The following CUL4A variants were observed in gnomAD, a reference collection of about 807,000 sequenced individuals.
CUL4A encodes cullin-4A.
Under a neutral mutation model 95.5 loss-of-function variants are expected in CUL4A, and 16 were observed. That is an observed-to-expected ratio of 0.17 (90% CI 0.11 to 0.25). The LOEUF (loss-of-function observed/expected upper bound fraction) is 0.25. CUL4A is among the 10% of genes least tolerant of loss of function. The pLI, the probability that CUL4A is intolerant of heterozygous loss-of-function variation, is 1.00. For synonymous variants in CUL4A, 380 were observed against 353.1 expected, an observed-to-expected ratio of 1.08 and a Z score of -0.85; for missense variants, 610 against 937.0, an observed-to-expected ratio of 0.65 and a Z score of 4.56.
intron 4 of CUL4A, among the ~76,000 whole-genome samples, chr13:113,229,076 G>A (rs537943872): frequency 6.6e-6 from 1 of 152,056 alleles, no homozygotes; most frequent in Admixed American, 6.6e-5. Context: ...TGCACATCAC[G>A]CCACCGCACT....
chr13:113,211,283 C>A (rs1170549058), intron 2 of CUL4A, among the ~76,000 whole-genome samples: 1 of 152,250 alleles, frequency 6.6e-6, no homozygotes, highest in Admixed American at 6.5e-5. Context: ...TCATGCACAA[C>A]GCAGTGTGAT....
At chr13:113,248,507 G>GT (rs1426688689) in intron 15 of CUL4A, among the ~76,000 whole-genome samples, 1 of 152,090 alleles carries the variant, frequency 6.6e-6, no homozygotes, top group African/African-American at 2.4e-5. Flanking sequence ...AGCAAAAGTT[G>GT]TTTGAAGCTT....
Position 113,242,998 on chromosome 13 carries a change from G to C in CUL4A, c.1066G>C (p.Glu356Gln). Reference protein sequence around the residue: ...TFGTAIVINPEKDKDMVQDLL... With the variant: ...TFGTAIVINPQKDKDMVQDLL... ...TGGAACAGCGATCGTAATCAATCCT[G>C]AGAAAGACAAAGACATGGTCCAAGA... Residue 356 changes from glutamate (E) to glutamine (Q), a missense_variant, in exon 11 of 20, where the codon GAG becomes CAG. Glu to Gln is a conservative substitution (Grantham distance 29, BLOSUM62 2). This residue lies in a region of CUL4A where 153 missense variants were observed against 244.5 expected (regional missense o/e 0.63). Transcript: ENST00000375440. The C allele has an allele frequency of 3.1e-6, 5 of 1,611,762 alleles. No homozygotes were observed. The highest frequency in any genetic ancestry group is 4.2e-6 in the Non-Finnish European group (5 of 1,178,124).
upstream of CUL4A, chr13:113,208,790 G>A (rs1023072270): frequency 3.5e-6 from 5 of 1,419,820 alleles, no homozygotes; most frequent in Middle Eastern, 2.6e-4. Context: ...CCGGCTCGGC[G>A]ACGCGCTCGG....
intron 15 of CUL4A, 91 bp from the exon 16 acceptor site, chr13:113,252,991 G>A (rs895423824): frequency 2.2e-5 from 13 of 588,634 alleles, no homozygotes; most frequent in East Asian, 5.9e-5. Context: ...TAATTCAGCC[G>A]TGAGAAATTG....
At chr13:113,208,250 G>A (rs953391340), upstream of CUL4A, 29 of 1,442,648 alleles carry the variant, frequency 2.0e-5, no homozygotes, top group Admixed American at 2.6e-5. Flanking sequence ...CGCCCACAGC[G>A]GGCCCTCGGC....
chr13:113,236,377 A>G (rs1217575131), intron 8 of CUL4A, among the ~76,000 whole-genome samples: 5 of 152,204 alleles, frequency 3.3e-5, no homozygotes, highest in African/African-American at 4.8e-5. Context: ...AGCGGCAGCC[A>G]CAGCGAAGCC....
intron 16 of CUL4A, among the ~76,000 whole-genome samples, chr13:113,253,777 A>G (rs982267770): frequency 6.6e-6 from 1 of 152,196 alleles, no homozygotes; most frequent in Non-Finnish European, 1.5e-5. Flanking sequence ...ATTATGAGCG[A>G]TTATTTAAGA....
At chr13:113,208,729 C>G, upstream of CUL4A, 7 of 1,493,720 alleles carry the variant, frequency 4.7e-6, no homozygotes, top group South Asian at 7.6e-5. Flanking sequence ...TCCTGGCGCC[C>G]CCGGCCCCGC....
At chr13:113,257,179 CCT>C (rs2139294235) in intron 18 of CUL4A, among the ~76,000 whole-genome samples, 1 of 152,188 alleles carries the variant, frequency 6.6e-6, no homozygotes, top group East Asian at 1.9e-4. Flanking sequence ...CCCATCTCGG[CCT>C]CCCAAAATGC....
intron 18 of CUL4A, among the ~76,000 whole-genome samples, chr13:113,258,523 G>C (rs954158539): frequency 5.3e-5 from 8 of 152,068 alleles, no homozygotes; most frequent in African/African-American, 1.9e-4. Flanking sequence ...GTTTTCTTCT[G>C]TAAGTCTTGC....
intron 3 of CUL4A, among the ~76,000 whole-genome samples, chr13:113,224,078 T>C (rs1036105964): frequency 2.6e-5 from 4 of 151,858 alleles, no homozygotes; most frequent in African/African-American, 7.3e-5. Flanking sequence ...GCCCGCAGAG[T>C]GCGGTGGCTC....
At chr13:113,209,009 G>A (rs1211001184), upstream of CUL4A, 6 of 823,412 alleles carry the variant, frequency 7.3e-6, no homozygotes, top group African/African-American at 1.9e-5. Flanking sequence ...GCGCCTGGCT[G>A]GGCCAGGGCC....
chr13:113,234,613 C>T (rs1410500593), intron 7 of CUL4A, among the ~76,000 whole-genome samples: 1 of 152,212 alleles, frequency 6.6e-6, no homozygotes, highest in Non-Finnish European at 1.5e-5. Context: ...GAAACATGGG[C>T]GTACTTTGAG....
chr13:113,234,031 A>G (rs755558799), intron 7 of CUL4A, 45 bp downstream of exon 7: 1 of 1,194,074 alleles, frequency 8.4e-7, no homozygotes, highest in Non-Finnish European at 1.2e-6. Context: ...TCGTTTCTGC[A>G]GATGAGCACC....
At chr13:113,235,949 C>T (rs1237719914) in intron 8 of CUL4A, among the ~76,000 whole-genome samples, 3 of 143,752 alleles carry the variant, frequency 2.1e-5, no homozygotes, top group Admixed American at 7.3e-5. Flanking sequence ...CCAGCCTGGG[C>T]GACAGAGCGA....
chr13:113,216,078 T>C (rs1567013460), intron 2 of CUL4A, among the ~76,000 whole-genome samples: 1 of 149,058 alleles, frequency 6.7e-6, no homozygotes, highest in Non-Finnish European at 1.5e-5. Flanking sequence ...TTTGTGTGAC[T>C]ATGGAGGTCA....
At chr13:113,243,270 G>A in intron 11 of CUL4A, 110 bp downstream of exon 11, 1 of 1,004,588 alleles carries the variant, frequency 1.0e-6, no homozygotes. Context: ...AAATGTTCAA[G>A]CTGCTCAAGG....
intron 2 of CUL4A, among the ~76,000 whole-genome samples, chr13:113,214,590 C>G (rs952585009): frequency 2.0e-5 from 3 of 152,140 alleles, no homozygotes; most frequent in African/African-American, 7.2e-5. Context: ...TGGACTCAAA[C>G]AGTCCTCCTG....
Sources: allele counts gnomAD v4.1 joint callset (sites outside exome capture counted in the v4.1 genomes callset), GRCh38; gene constraint gnomAD v4.1.1; regional missense constraint gnomAD v4.1.1; transcripts MANE v1.5; gene names NCBI Gene and HGNC (gene_info 2026-07-23, HGNC 2026-07-21).